The following ADAMTSL1 variants were observed in gnomAD, a reference collection of about 807,000 sequenced individuals.
ADAMTSL1 encodes the protein ADAMTS like 1.
A neutral mutation model predicts 201.8 loss-of-function variants in ADAMTSL1; 126 were observed. That is an observed-to-expected ratio of 0.62 (90% CI 0.54 to 0.72). The LOEUF is 0.72. ADAMTSL1 is among the 30% of genes least tolerant of loss of function. ADAMTSL1 has a pLI of 0.00. For missense variants in ADAMTSL1, 2,679 were observed against 2,277.8 expected, an observed-to-expected ratio of 1.18 and a Z score of -3.59; for synonymous variants, 1,121 against 903.4, an observed-to-expected ratio of 1.24 and a Z score of -4.32.
intron 1 of ADAMTSL1, among the ~76,000 whole-genome samples, chr9:18,009,111 C>T (rs575995775): frequency 1.3e-5 from 2 of 152,094 alleles, no homozygotes; most frequent in South Asian, 4.1e-4. Flanking sequence ...CTCATTTCAC[C>T]AGATCCCATT....
intron 1 of ADAMTSL1, among the ~76,000 whole-genome samples, chr9:18,488,720 T>C (rs971185325): frequency 6.6e-6 from 1 of 152,134 alleles, no homozygotes; most frequent in Non-Finnish European, 1.5e-5. Context: ...CAATTATTAC[T>C]CTCTCCCTGC....
At chr9:18,403,151 G>C (rs1258977891) in intron 2 of ADAMTSL1, among the ~76,000 whole-genome samples, 10 of 151,050 alleles carry the variant, frequency 6.6e-5, no homozygotes, top group Admixed American at 5.3e-4. Context: ...TCATTTTCTT[G>C]TAATCTTTTT....
intron 26 of ADAMTSL1, among the ~76,000 whole-genome samples, chr9:18,896,255 G>A (rs1218054245): frequency 2.6e-5 from 4 of 152,028 alleles, no homozygotes. Flanking sequence ...AAAAGCCAAA[G>A]GGACCCACAC....
At chr9:18,037,966 CA>C (rs1821272246) in intron 1 of ADAMTSL1, among the ~76,000 whole-genome samples, 1 of 150,970 alleles carries the variant, frequency 6.6e-6, no homozygotes, top group South Asian at 2.1e-4. Context: ...GCATATATAC[CA>C]AGAATCTAAA....
intron 2 of ADAMTSL1, among the ~76,000 whole-genome samples, chr9:18,409,690 T>G (rs1818352115): frequency 6.6e-6 from 1 of 150,678 alleles, no homozygotes; most frequent in African/African-American, 2.4e-5. Flanking sequence ...AGTTTTGGAG[T>G]CTTCAAACTA....
chr9:18,642,205 T>G (rs920710852), intron 7 of ADAMTSL1, among the ~76,000 whole-genome samples: 1 of 152,020 alleles, frequency 6.6e-6, no homozygotes, highest in Non-Finnish European at 1.5e-5. Context: ...TCTGAAGATT[T>G]TTTTTTCTTC....
rs538507370 is a variant in ADAMTSL1, at chr9:18,608,523, C to T, written c.475-13720C>T. ...GCAGTCCTTTCTTTTCATCTCAGCG[C>T]CTTTGAGTGAATTTGCTTTTGTCTA... On this transcript the variant is annotated intron_variant, in intron 4 of 28. Transcript: ENST00000380548. Among the ~76,000 whole-genome samples the T allele has an allele frequency of 1.7e-3, 262 of 152,216 alleles. 1 individual carries two copies. The highest frequency in any genetic ancestry group is 5.9e-3 in the African/African-American group (246 of 41,536).
intron 19 of ADAMTSL1, among the ~76,000 whole-genome samples, chr9:18,784,672 G>T (rs968405246): frequency 6.6e-6 from 1 of 152,126 alleles, no homozygotes; most frequent in Admixed American, 6.5e-5. Flanking sequence ...ATCACATCCC[G>T]TCTCCCACCA....
intron 3 of ADAMTSL1, among the ~76,000 whole-genome samples, chr9:18,540,594 A>G (rs894271742): frequency 1.3e-5 from 2 of 152,204 alleles, no homozygotes; most frequent in Non-Finnish European, 2.9e-5. Context: ...TCTATGCTGA[A>G]GAGCCTGAAC....
chr9:18,776,972 G>A lies in ADAMTSL1; in HGVS notation c.2743G>A (p.Gly915Ser), dbSNP rs371249720. Reference sequence around the variant, plus strand: ...GCCCCTCATCACCTGGGAGAAGGACGGCCAGCACCTCATCAGCTCGACGCA... The same window carrying A: ...GCCCCTCATCACCTGGGAGAAGGACAGCCAGCACCTCATCAGCTCGACGCA... ...RKPLITWEKD[G>S]QHLISSTHVT... Residue 915 changes from glycine (G) to serine (S), a missense_variant, in exon 19 of 29, where the codon GGC becomes AGC. Gly to Ser is a moderately conservative substitution (Grantham distance 56, BLOSUM62 0). Coordinates refer to ENST00000380548, the MANE Select transcript of ADAMTSL1 (RefSeq NM_001040272.6). 23 of 1,598,082 alleles carry A rather than the reference G, an allele frequency of 1.4e-5. No homozygotes were observed. The highest frequency in any genetic ancestry group is 1.9e-5 in the Non-Finnish European group (22 of 1,170,806).
At chr9:17,929,950 A>C (rs976328145) in intron 1 of ADAMTSL1, among the ~76,000 whole-genome samples, 2 of 152,194 alleles carry the variant, frequency 1.3e-5, no homozygotes, top group African/African-American at 4.8e-5. Context: ...CATCTAGTTC[A>C]GTGCCTGGCA....
intron 2 of ADAMTSL1, among the ~76,000 whole-genome samples, chr9:18,351,872 T>A (rs1305627213): frequency 2.0e-5 from 3 of 152,200 alleles, no homozygotes; most frequent in Admixed American, 6.5e-5. Flanking sequence ...AAGAAATACA[T>A]TTCTGTAAAT....
At chr9:18,115,600 G>T (rs1825216791) in intron 1 of ADAMTSL1, among the ~76,000 whole-genome samples, 1 of 152,100 alleles carries the variant, frequency 6.6e-6, no homozygotes, top group Non-Finnish European at 1.5e-5. Context: ...ACTGTGTTCT[G>T]GGCACTTTTC....
chr9:18,679,692 C>G (rs545791602), intron 10 of ADAMTSL1, among the ~76,000 whole-genome samples: 2 of 152,122 alleles, frequency 1.3e-5, no homozygotes, highest in African/African-American at 4.8e-5. Flanking sequence ...ATAATATTAA[C>G]GCTTCTGCTC....
intron 23 of ADAMTSL1, among the ~76,000 whole-genome samples, chr9:18,873,040 T>G (rs1448357154): frequency 1.3e-5 from 2 of 152,224 alleles, no homozygotes; most frequent in African/African-American, 4.8e-5. Flanking sequence ...GGTATCACAT[T>G]GTAGTTTTGA....
intron 1 of ADAMTSL1, among the ~76,000 whole-genome samples, chr9:18,488,692 G>A (rs775726586): frequency 6.6e-6 from 1 of 152,126 alleles, no homozygotes; most frequent in Non-Finnish European, 1.5e-5. Flanking sequence ...CAGGTAGCAG[G>A]TGCCCAATAA....
At chr9:17,985,070 A>T (rs946441081) in intron 1 of ADAMTSL1, among the ~76,000 whole-genome samples, 1 of 152,160 alleles carries the variant, frequency 6.6e-6, no homozygotes, top group South Asian at 2.1e-4. Context: ...GGAAGATGGA[A>T]TTAAGTTAGT....
rs1291541487 is a variant in ADAMTSL1 at position 18,795,440 on chromosome 9, G to C, written c.3721G>C (p.Val1241Leu). The C allele has an allele frequency of 1.9e-6, 3 of 1,613,918 alleles. No individual in the cohort carries two copies. The African/African-American group carries it at 4.0e-5, about 22-fold the overall frequency. Residue 1241 changes from valine (V) to leucine (L), a missense_variant, in exon 20 of 29, where the codon GTG becomes CTG. Coordinates refer to ENST00000380548, the MANE Select transcript of ADAMTSL1 (RefSeq NM_001040272.6). ...TGATTCCTTACAGATCTTGGCACCA[G>C]TGGAAGCAGATGTGGGTTTCTACAC... ...PDDSLQILAPVEADVGFYTCN... is the reference protein window; with the variant it reads ...PDDSLQILAPLEADVGFYTCN...
chr9:17,962,924 G>A (rs1312280401), intron 1 of ADAMTSL1, among the ~76,000 whole-genome samples: 8 of 152,340 alleles, frequency 5.3e-5, no homozygotes, highest in South Asian at 2.1e-4. Flanking sequence ...TATTCAGGGA[G>A]CCACATCAGT....
Sources: gnomAD v4.1 joint callset for allele counts (sites outside exome capture counted in the v4.1 genomes callset) on GRCh38, gnomAD v4.1.1 for gene constraint, MANE v1.5 for transcripts, NCBI Gene and HGNC (gene_info 2026-07-23, HGNC 2026-07-21) for gene names.